Variants in DPYSL5 observed in about 807,000 individuals in gnomAD.
The protein encoded by DPYSL5 is dihydropyrimidinase-related protein 5.
DPYSL5 carries 9 observed loss-of-function variants against 58.4 expected under a neutral mutation model. The ratio of observed to expected loss-of-function variants is 0.15; its 90% CI spans 0.09 to 0.27. The LOEUF is 0.27. DPYSL5 is among the 10% of genes least tolerant of loss of function. The pLI, the probability that DPYSL5 is intolerant of heterozygous loss-of-function variation, is 1.00. For synonymous variants in DPYSL5, 293 were observed against 301.9 expected, an observed-to-expected ratio of 0.97 and a Z score of 0.31; for missense variants, 499 against 770.6, an observed-to-expected ratio of 0.65 and a Z score of 4.17.
chr2:26,865,076 C>T (rs71441049), intron 1 of DPYSL5, among the ~76,000 whole-genome samples: 3,875 of 152,256 alleles, frequency 0.025, 78 homozygotes, highest in Non-Finnish European at 0.032. Context: ...TTTGAAAATA[C>T]ATTTAGTGTT....
intron 1 of DPYSL5, among the ~76,000 whole-genome samples, chr2:26,886,490 T>C (rs546666879): frequency 6.6e-6 from 1 of 152,352 alleles, no homozygotes; most frequent in South Asian, 2.1e-4. Context: ...AAATATCGCC[T>C]CTGAAGTAAC....
intron 1 of DPYSL5, among the ~76,000 whole-genome samples, chr2:26,870,921 C>T (rs1663247057): frequency 6.6e-6 from 1 of 152,118 alleles, no homozygotes; most frequent in African/African-American, 2.4e-5. Context: ...CTGCTCTACA[C>T]ATTGACTTAA....
rs544119875 is a variant in DPYSL5 at position 26,862,809 on chromosome 2, A to G, written c.-5+14555A>G. Among the ~76,000 whole-genome samples the G allele has an allele frequency of 9.8e-5, 15 of 152,314 alleles. No individual in the cohort carries two copies. In the South Asian group the frequency reaches 3.1e-3, roughly 32 times the overall value. On this transcript the variant is annotated intron_variant, in intron 1 of 12. Transcript: ENST00000288699. The stretch of plus-strand genomic sequence containing the variant: ...TTGGTGGGAAGGGAGGCTGGGACGG[A>G]GCTGTGCAGAGGAATTTACTAGAAG...
intron 1 of DPYSL5, among the ~76,000 whole-genome samples, chr2:26,854,425 C>T (rs2148103689): frequency 6.6e-6 from 1 of 152,238 alleles, no homozygotes; most frequent in East Asian, 1.9e-4. Flanking sequence ...CACCATTGCA[C>T]TGTAGCCTGG....
chr2:26,879,211 G>A (rs568995743), intron 1 of DPYSL5, among the ~76,000 whole-genome samples: 1 of 152,240 alleles, frequency 6.6e-6, no homozygotes, highest in African/African-American at 2.4e-5. Context: ...TAAATGATAA[G>A]GGCCTGACTT....
rs376169288 is a variant in DPYSL5 at position 26,855,566 on chromosome 2, GT to G, written c.-5+7315del. 1.1e-3 allele frequency among the ~76,000 whole-genome samples: 163 copies of G among 152,218 alleles called. 2 individuals are homozygous for G. Among genetic ancestry groups the G allele is most frequent in the African/African-American group, 3.8e-3 (158 of 41,534 alleles). ...ACCTAACATCTGTCCACTTTCATTGGTTTGGCAAAGGGGTTGAGGTCTGTTG... is the reference window on the plus strand; with the variant it reads ...ACCTAACATCTGTCCACTTTCATTGGTTGGCAAAGGGGTTGAGGTCTGTTG... On this transcript the variant is annotated intron_variant, in intron 1 of 12. Coordinates refer to ENST00000288699, the MANE Select transcript of DPYSL5 (RefSeq NM_020134.4).
Position 26,949,242 on chromosome 2 carries a change from T to G in DPYSL5, c.*2247T>G, listed in dbSNP as rs1426736720. 1 of 152,256 alleles carries G rather than the reference T, an allele frequency of 6.6e-6. No homozygotes were observed. Among genetic ancestry groups the G allele is most frequent in the Non-Finnish European group, 1.5e-5 (1 of 68,050 alleles). The allele number at this position is 152,256 out of a possible 1,614,324, so 9.4% of individuals were successfully genotyped here. A position where few individuals can be genotyped will look rare whatever the true frequency, so the allele number is the denominator to read the frequency against. On this transcript the variant is annotated 3_prime_UTR_variant, in exon 13 of 13. Transcript: ENST00000288699. ...AACAACCTCATGCACATTCTGTGTT[T>G]GAGCCAAGACTAGTCACCCATTGGG...
chr2:26,943,357 G>T (rs1285234357), intron 11 of DPYSL5, among the ~76,000 whole-genome samples: 1 of 152,230 alleles, frequency 6.6e-6, no homozygotes, highest in African/African-American at 2.4e-5. Context: ...TGAAGAAAGC[G>T]TGACTTTCGT....
intron 1 of DPYSL5, among the ~76,000 whole-genome samples, chr2:26,892,500 A>G (rs1019257085): frequency 1.3e-5 from 2 of 152,140 alleles, no homozygotes; most frequent in African/African-American, 4.8e-5. Flanking sequence ...TTTTTCCAGC[A>G]TAAGTATTCC....
rs557905850 is a variant in DPYSL5 at position 26,878,253 on chromosome 2, G to T, written c.-4-20243G>T. 2.0e-5 allele frequency among the ~76,000 whole-genome samples: 3 copies of T among 152,292 alleles called. No individual in the cohort carries two copies. In the South Asian group the frequency reaches 6.2e-4, roughly 32 times the overall value. ...CATTTATTTAATTATTAATAAAGGTGAACATCTTTTCATTTGCCTATTAGC... is the reference window on the plus strand; with the variant it reads ...CATTTATTTAATTATTAATAAAGGTTAACATCTTTTCATTTGCCTATTAGC... On this transcript the variant is annotated intron_variant, in intron 1 of 12. Coordinates refer to ENST00000288699, the MANE Select transcript of DPYSL5 (RefSeq NM_020134.4).
chr2:26,945,520 G>A (rs1346197115), intron 12 of DPYSL5, among the ~76,000 whole-genome samples: 5 of 28,134 alleles, frequency 1.8e-4, no homozygotes, highest in East Asian at 1.6e-3. Flanking sequence ...GTCCCCCCCC[G>A]CACCCATCAC....
At chr2:26,943,356 C>T (rs535381994) in intron 11 of DPYSL5, among the ~76,000 whole-genome samples, 4 of 152,314 alleles carry the variant, frequency 2.6e-5, no homozygotes, top group Admixed American at 2.0e-4. Context: ...ATGAAGAAAG[C>T]GTGACTTTCG....
chr2:26,864,416 C>T (rs185089950), intron 1 of DPYSL5, among the ~76,000 whole-genome samples: 95 of 152,258 alleles, frequency 6.2e-4, no homozygotes, highest in African/African-American at 2.2e-3. Context: ...AGGTGCAGAT[C>T]CCAAAGTAGG....
intron 1 of DPYSL5, among the ~76,000 whole-genome samples, chr2:26,895,327 A>C (rs1234531844): frequency 6.6e-6 from 1 of 152,222 alleles, no homozygotes; most frequent in Non-Finnish European, 1.5e-5. Context: ...GAGAATTGAC[A>C]CCATGTTGAG....
intron 2 of DPYSL5, among the ~76,000 whole-genome samples, chr2:26,913,305 T>C (rs1466687722): frequency 6.6e-6 from 1 of 152,212 alleles, no homozygotes; most frequent in Non-Finnish European, 1.5e-5. Context: ...CACCATCTTA[T>C]TTTCTGTCTC....
chr2:26,927,165 A>G lies in DPYSL5; in HGVS notation c.421-88A>G. ...GACAGACTGAGCTGGGGCAGGCCCC[A>G]CATCTCCCCCATGCTGGGCCGGTGC... On this transcript the variant is annotated intron_variant, in intron 3 of 12. Coordinates refer to ENST00000288699, the MANE Select transcript of DPYSL5 (RefSeq NM_020134.4). The surrounding 1 kb of genome is among the most constrained non-coding windows in gnomAD (Gnocchi z 4.3). 3.6e-6 allele frequency: 5 copies of G among 1,381,980 alleles called. No individual in the cohort carries two copies. The South Asian group carries it at 7.0e-5, about 19-fold the overall frequency. 85.6% of individuals were successfully genotyped at this position (1,381,980 alleles called of 1,614,324 possible). A position where few individuals can be genotyped will look rare whatever the true frequency, so the allele number is the denominator to read the frequency against.
At position 26,935,355 on chromosome 2, in the gene DPYSL5, T is replaced by C. The variant is rs1481736729; in HGVS notation, c.947+621T>C. On this transcript the variant is annotated intron_variant, in intron 8 of 12. Coordinates refer to ENST00000288699, the MANE Select transcript of DPYSL5 (RefSeq NM_020134.4). ...CCCAATTATGGAAGGGTTTCTGTTTTATCCCAATAACTGCTTGCAGCTTCT... is the reference window on the plus strand; with the variant it reads ...CCCAATTATGGAAGGGTTTCTGTTTCATCCCAATAACTGCTTGCAGCTTCT... 8.5e-5 allele frequency among the ~76,000 whole-genome samples: 13 copies of C among 152,316 alleles called. No homozygotes were observed. In the South Asian group the frequency reaches 2.7e-3, roughly 32 times the overall value.
At chr2:26,906,760 A>AATTT (rs1255803539) in intron 2 of DPYSL5, among the ~76,000 whole-genome samples, 2 of 151,946 alleles carry the variant, frequency 1.3e-5, no homozygotes, top group South Asian at 2.1e-4. Flanking sequence ...CCTAAATCAT[A>AATTT]ATTTATTTAT....
chr2:26,912,318 C>T (rs181655422), intron 2 of DPYSL5, among the ~76,000 whole-genome samples: 3 of 152,320 alleles, frequency 2.0e-5, no homozygotes, highest in East Asian at 1.9e-4. Context: ...ATTTCCAGGG[C>T]GGCCTCTCGT....
Sources: gnomAD v4.1 joint callset for allele counts (sites outside exome capture counted in the v4.1 genomes callset) on GRCh38, gnomAD v4.1.1 for gene constraint, Gnocchi (gnomAD v3.1) non-coding constraint, MANE v1.5 for transcripts, NCBI Gene and HGNC (gene_info 2026-07-23, HGNC 2026-07-21) for gene names.